The following DYNC2H1 variants were observed in gnomAD, a reference collection of about 807,000 sequenced individuals.
DYNC2H1 encodes the protein cytoplasmic dynein 2 heavy chain 1.
Under a neutral mutation model 570.0 loss-of-function variants are expected in DYNC2H1, and 410 were observed. The ratio of observed to expected loss-of-function variants is 0.72; its 90% CI spans 0.66 to 0.78. DYNC2H1 has a LOEUF of 0.78. Among genes scored for constraint, DYNC2H1 ranks in the 30% least tolerant of loss-of-function variants. The probability of loss-of-function intolerance (pLI) is 0.00; values close to 1 mark genes in which losing one functional copy is unlikely to be tolerated. For synonymous variants in DYNC2H1, 1,688 were observed against 1,677.6 expected, an observed-to-expected ratio of 1.01 and a Z score of -0.15; for missense variants, 4,865 against 5,046.4, an observed-to-expected ratio of 0.96 and a Z score of 1.09.
At position 103,174,044 on chromosome 11, in the gene DYNC2H1, C is replaced by G. The variant is rs984741186; in HGVS notation, c.5559-11C>G. ...CTATTTGATGTGTTGATTTCCATGT[C>G]TCTATTTCAGGGAACTTTTGACACC... is the stretch of plus-strand genomic sequence containing the variant. On this transcript the variant is annotated splice_polypyrimidine_tract_variant and intron_variant, in intron 35 of 88. Coordinates refer to ENST00000375735, the MANE Select transcript of DYNC2H1 (RefSeq NM_001377.3). 1.3e-6 allele frequency: 2 copies of G among 1,559,320 alleles called. No homozygotes were observed. Among genetic ancestry groups the G allele is most frequent in the Non-Finnish European group, 1.7e-6 (2 of 1,147,596 alleles).
rs370217486 is a variant in DYNC2H1, at chr11:103,253,289, A to G, written c.10047A>G (p.Pro3349=). 43 of 1,609,730 alleles carry G rather than the reference A, an allele frequency of 2.7e-5. 1 individual carries two copies. In the African/African-American group the frequency reaches 5.5e-4, roughly 20 times the overall value. ...LLRRDLVAQG[P]RYVVQIGDKI... Reference sequence around the variant, plus strand: ...TTGTGTGTTTTTTTTAAATAGGACCACGTTATGTGGTACAAATAGGTGACA... The same window carrying G: ...TTGTGTGTTTTTTTTAAATAGGACCGCGTTATGTGGTACAAATAGGTGACA... Residue 3349 remains proline (P), a synonymous_variant, in exon 66 of 89, where the codon CCA becomes CCG. Transcript: ENST00000375735.
intron 75 of DYNC2H1, among the ~76,000 whole-genome samples, chr11:103,298,980 T>A (rs7121456): frequency 0.16 from 25,069 of 152,000 alleles, 2,240 homozygotes; most frequent in Admixed American, 0.25. Context: ...ACTACGTTAC[T>A]TTTTAGAAAT....
chr11:103,351,869 T>G (rs1441310626), intron 82 of DYNC2H1, among the ~76,000 whole-genome samples: 1 of 152,156 alleles, frequency 6.6e-6, no homozygotes, highest in Admixed American at 6.5e-5. Flanking sequence ...TGTAAACTGT[T>G]GGTGCCTGAG....
intron 73 of DYNC2H1, among the ~76,000 whole-genome samples, chr11:103,283,610 A>T (rs1010768034): frequency 8.5e-5 from 13 of 152,226 alleles, no homozygotes; most frequent in Non-Finnish European, 5.9e-5. Flanking sequence ...ACAGAATTTT[A>T]AAATGTATTA....
chr11:103,477,407 A>G (rs1460940970), intron 88 of DYNC2H1, among the ~76,000 whole-genome samples: 1 of 152,202 alleles, frequency 6.6e-6, no homozygotes, highest in African/African-American at 2.4e-5. Context: ...AATTAATTGA[A>G]TAAAATCATA....
rs548128734 is a variant in DYNC2H1 at position 103,265,465 on chromosome 11, T to G, written c.10695+5488T>G. ...TTCTGCTCTTAATAATTTAGATTCC[T>G]TATAAAATTCTTGTAGTAAGTTTTT... On this transcript the variant is annotated intron_variant, in intron 70 of 88. Coordinates refer to ENST00000375735, the MANE Select transcript of DYNC2H1 (RefSeq NM_001377.3). Among the ~76,000 whole-genome samples the G allele has an allele frequency of 6.6e-5, 10 of 152,350 alleles. No homozygotes were observed. In the South Asian group the frequency reaches 1.5e-3, roughly 22 times the overall value.
At chr11:103,223,575 A>G in intron 59 of DYNC2H1, among the ~76,000 whole-genome samples, 1 of 7,002 alleles carries the variant, frequency 1.4e-4, no homozygotes, top group Admixed American at 1.6e-3. Context: ...TTTAGTAGAG[A>G]CTAAAATAAC....
chr11:103,198,062 A>C lies in DYNC2H1; in HGVS notation c.7838A>C (p.Lys2613Thr), dbSNP rs778285080. 1.3e-6 allele frequency: 2 copies of C among 1,551,690 alleles called. No homozygotes were observed. ...NSTDLKDVIK[K>T]GLIHYGRDNQ... ...ACTGATCTCAAGGATGTTATTAAAA[A>C]GGTATAATATGAATCATTAATTGGA... The change falls in exon 48 of 89, where the codon AAG becomes ACG. Residue 2613 changes from lysine to threonine, a missense_variant and splice_region_variant. This residue lies in a region of DYNC2H1 where 2,401 missense variants were observed against 2,454.6 expected (regional missense o/e 0.98). Transcript: ENST00000375735.
intron 31 of DYNC2H1, among the ~76,000 whole-genome samples, chr11:103,168,316 C>T (rs1391348031): frequency 2.0e-5 from 3 of 152,110 alleles, no homozygotes; most frequent in East Asian, 3.9e-4. Context: ...ATGGCCCTAG[C>T]GTTGCCAGAA....
chr11:103,256,053 A>G lies in DYNC2H1; in HGVS notation c.10327-53A>G, dbSNP rs116174151. On this transcript the variant is annotated intron_variant, in intron 67 of 88. Coordinates refer to ENST00000375735, the MANE Select transcript of DYNC2H1 (RefSeq NM_001377.3). This position sits in a 1 kb window ranked among gnomAD's most constrained non-coding sequence, Gnocchi z 4.0. ...TGACAGTTAATATGGGTTTGCTTTA[A>G]TTGGTTATTTTTATATGTATAATAA... 2.8e-3 allele frequency: 4,024 copies of G among 1,462,932 alleles called. 104 individuals carry two copies. In the African/African-American group the frequency reaches 0.05, roughly 18 times the overall value. The allele number at this position is 1,462,932 out of a possible 1,614,324, so 90.6% of individuals were successfully genotyped here. A position where few individuals can be genotyped will look rare whatever the true frequency, so the allele number is the denominator to read the frequency against.
In DYNC2H1 at chr11:103,148,099, G is replaced by A. The variant is rs560559006; in HGVS notation, c.2818+212G>A. 3.9e-5 allele frequency among the ~76,000 whole-genome samples: 6 copies of A among 152,240 alleles called. 1 individual carries two copies. In the South Asian group the frequency reaches 1.2e-3, roughly 32 times the overall value. On this transcript the variant is annotated intron_variant, in intron 19 of 88. Coordinates refer to ENST00000375735, the MANE Select transcript of DYNC2H1 (RefSeq NM_001377.3). Reference sequence around the variant, plus strand: ...GAGCTAGTATTAGATTGTTGCATATGTAGCTGAGAAAGGTAGATAATTCTG... The same window carrying A: ...GAGCTAGTATTAGATTGTTGCATATATAGCTGAGAAAGGTAGATAATTCTG...
chr11:103,320,583 T>C (rs1487748449), intron 80 of DYNC2H1, among the ~76,000 whole-genome samples: 1 of 152,220 alleles, frequency 6.6e-6, no homozygotes, highest in African/African-American at 2.4e-5. Context: ...ACTGACAGTT[T>C]CATCAAATGT....
chr11:103,206,097 G>T (rs1223688787), intron 52 of DYNC2H1, among the ~76,000 whole-genome samples: 1 of 152,138 alleles, frequency 6.6e-6, no homozygotes, highest in Non-Finnish European at 1.5e-5. Flanking sequence ...GATAGGTTGG[G>T]CTAAGGATGT....
chr11:103,284,070 C>A (rs956502543), intron 73 of DYNC2H1, among the ~76,000 whole-genome samples: 39 of 152,158 alleles, frequency 2.6e-4, no homozygotes, highest in Admixed American at 2.6e-3. Context: ...TCTTCCATAT[C>A]TGATTACCCT....
chr11:103,417,856 A>G (rs1353193114), intron 84 of DYNC2H1, among the ~76,000 whole-genome samples: 1 of 147,986 alleles, frequency 6.8e-6, no homozygotes, highest in South Asian at 2.2e-4. Context: ...AGCCTGGACA[A>G]CAGAGCGAGA....
intron 84 of DYNC2H1, among the ~76,000 whole-genome samples, chr11:103,428,204 A>G (rs1943745839): frequency 8.5e-6 from 1 of 117,712 alleles, no homozygotes. Context: ...TTTTTTTCAG[A>G]ATATCTGAAA....
chr11:103,241,455 A>C lies in DYNC2H1; in HGVS notation c.9820-2238A>C. 1 of 1,401,952 alleles carries C rather than the reference A, an allele frequency of 7.1e-7. No individual in the cohort carries two copies. Among genetic ancestry groups the C allele is most frequent in the Non-Finnish European group, 9.9e-7 (1 of 1,009,180 alleles). The allele number at this position is 1,401,952 out of a possible 1,614,324, so 86.8% of individuals were successfully genotyped here. ...ACAAACTTTTAAGTACCCTTTGAAA[A>C]ACTTAAGCATGTTTTCTTTGCTAAA... On this transcript the variant is annotated intron_variant, in intron 63 of 88. Transcript: ENST00000375735. This position sits in a 1 kb window ranked among gnomAD's most constrained non-coding sequence, Gnocchi z 5.1.
Position 103,117,742 on chromosome 11 carries a change from A to T in DYNC2H1, c.878A>T (p.Gln293Leu). 1 of 1,613,422 alleles carries T rather than the reference A, an allele frequency of 6.2e-7. No homozygotes were observed. Among genetic ancestry groups the T allele is most frequent in the Non-Finnish European group, 8.5e-7 (1 of 1,179,510 alleles). Residue 293 changes from glutamine to leucine, a missense_variant, in exon 6 of 89, where the codon CAG becomes CTG. Coordinates refer to ENST00000375735, the MANE Select transcript of DYNC2H1 (RefSeq NM_001377.3). ...AAAGCTGGTATTTCAATTTGTGAAC[A>T]GTGGGTGATAGTCTGTAATCATCTA... is the stretch of plus-strand genomic sequence containing the variant. ...SLKAGISICE[Q>L]WVIVCNHLTG...
At position 103,235,652 on chromosome 11, in the gene DYNC2H1, C is replaced by G; in HGVS notation, c.9568-20C>G. ...AACATACTCATATATCTCCCTCTTT[C>G]TTCTCTCTCTTTTTTCCAGGTTGTA... On this transcript the variant is annotated intron_variant, in intron 61 of 88. Transcript: ENST00000375735. The G allele has an allele frequency of 6.3e-7, 1 of 1,593,462 alleles. No individual in the cohort carries two copies. Among genetic ancestry groups the G allele is most frequent in the Non-Finnish European group, 8.6e-7 (1 of 1,169,556 alleles).
Sources: allele counts gnomAD v4.1 joint callset (sites outside exome capture counted in the v4.1 genomes callset), GRCh38; gene constraint gnomAD v4.1.1; regional missense constraint gnomAD v4.1.1; non-coding constraint Gnocchi (gnomAD v3.1); transcripts MANE v1.5; gene names NCBI Gene and HGNC (gene_info 2026-07-23, HGNC 2026-07-21).